The following EYS variants were observed in gnomAD, a reference collection of about 807,000 sequenced individuals.
EYS encodes protein eyes shut homolog.
Under a neutral mutation model 282.1 loss-of-function variants are expected in EYS, and 250 were observed. The observed-to-expected ratio is 0.89, with a 90% CI of 0.80 to 0.98. EYS has a LOEUF of 0.98. Ranked by LOEUF, EYS falls within the 50% of genes least tolerant of loss-of-function variation. EYS has a pLI of 0.00. For synonymous variants in EYS, 1,355 were observed against 1,282.9 expected (o/e 1.06, Z -1.20); for missense variants, 4,016 against 3,709.0 (o/e 1.08, Z -2.15).
intron 24 of EYS, among the ~76,000 whole-genome samples, chr6:64,613,025 C>T (rs530297395): frequency 3.3e-5 from 5 of 152,174 alleles, no homozygotes; most frequent in African/African-American, 1.2e-4. Flanking sequence ...TTTGTTGTTT[C>T]ATGTTCAATT....
rs577630695 is a variant in EYS at position 64,894,146 on chromosome 6, A to G, written c.2847-7304T>C. 3.9e-4 allele frequency among the ~76,000 whole-genome samples: 60 copies of G among 152,260 alleles called. 1 individual carries two copies. The Middle Eastern group carries it at 0.014, about 35-fold the overall frequency. On this transcript the variant is annotated intron_variant, in intron 18 of 42. Coordinates refer to ENST00000503581, the MANE Select transcript of EYS (RefSeq NM_001142800.2). ...AATTTATTCACAGTAAGTAATGTAT[A>G]GATGCTTATGATTAAGTTGCATTGC...
intron 22 of EYS, among the ~76,000 whole-genome samples, chr6:64,811,179 T>C (rs889683276): frequency 4.6e-5 from 7 of 152,068 alleles, no homozygotes; most frequent in Non-Finnish European, 1.0e-4. Flanking sequence ...CAGCTCTGAC[T>C]TCTCATAGTG....
At chr6:64,003,227 A>G (rs1163546115) in intron 33 of EYS, among the ~76,000 whole-genome samples, 2 of 152,196 alleles carry the variant, frequency 1.3e-5, no homozygotes, top group African/African-American at 4.8e-5. Context: ...AAACTTTCTC[A>G]CTTGTTTGTG....
intron 31 of EYS, among the ~76,000 whole-genome samples, chr6:64,141,977 A>T (rs1774351545): frequency 6.6e-6 from 1 of 152,120 alleles, no homozygotes; most frequent in Non-Finnish European, 1.5e-5. Context: ...ACTACCAACC[A>T]AAGTTTGAAT....
chr6:64,000,020 C>T (rs1397429446), intron 33 of EYS, among the ~76,000 whole-genome samples: 1 of 152,034 alleles, frequency 6.6e-6, no homozygotes, highest in Non-Finnish European at 1.5e-5. Context: ...GCTGTTTCTG[C>T]ATACTGAGAG....
intron 15 of EYS, among the ~76,000 whole-genome samples, chr6:64,939,543 C>A (rs1018236156): frequency 4.0e-5 from 6 of 151,794 alleles, no homozygotes; most frequent in Non-Finnish European, 8.8e-5. Context: ...AAATGCGATA[C>A]TTTTATTTAA....
intron 30 of EYS, among the ~76,000 whole-genome samples, chr6:64,234,963 C>T (rs976949220): frequency 7.2e-5 from 11 of 152,014 alleles, no homozygotes; most frequent in African/African-American, 2.4e-4. Context: ...CTGCAACCCC[C>T]GCCTCCCGGG....
At chr6:64,773,541 G>A (rs1283757497) in intron 22 of EYS, among the ~76,000 whole-genome samples, 1 of 151,866 alleles carries the variant, frequency 6.6e-6, no homozygotes, top group East Asian at 1.9e-4. Context: ...AGCTCTCTGA[G>A]AAATTGCCAG....
intron 8 of EYS, among the ~76,000 whole-genome samples, chr6:65,376,060 A>G (rs1765352479): frequency 2.0e-5 from 3 of 152,154 alleles, no homozygotes; most frequent in Admixed American, 2.0e-4. Flanking sequence ...TAGCAACCCC[A>G]AGACAAATAA....
chr6:64,068,953 A>T (rs1434048329), intron 32 of EYS, among the ~76,000 whole-genome samples: 2 of 150,004 alleles, frequency 1.3e-5, no homozygotes, highest in Non-Finnish European at 3.0e-5. Context: ...AAACATAGAC[A>T]CAAGTGTCTT....
chr6:65,012,810 CA>C (rs3033918), intron 13 of EYS, among the ~76,000 whole-genome samples: 31,113 of 117,428 alleles, frequency 0.26, 4,047 homozygotes, highest in African/African-American at 0.43. Context: ...CCAAGTACAG[CA>C]AAAAAAAAAA....
chr6:65,028,928 A>G (rs1381361863), intron 13 of EYS, among the ~76,000 whole-genome samples: 1 of 152,054 alleles, frequency 6.6e-6, no homozygotes, highest in Non-Finnish European at 1.5e-5. Context: ...CTCCCTAAGT[A>G]TTTGTCTATT....
At chr6:65,006,211 G>C (rs2150130246) in intron 13 of EYS, among the ~76,000 whole-genome samples, 1 of 150,826 alleles carries the variant, frequency 6.6e-6, no homozygotes, top group South Asian at 2.1e-4. Flanking sequence ...CGGAGAGAGA[G>C]ACAAAAAGGG....
chr6:65,347,764 A>G (rs921977703), intron 9 of EYS, among the ~76,000 whole-genome samples: 3 of 151,580 alleles, frequency 2.0e-5, no homozygotes, highest in African/African-American at 7.3e-5. Context: ...TTAAAAATGT[A>G]CAGTAAATTA....
At chr6:64,455,496 T>C (rs920117340) in intron 26 of EYS, among the ~76,000 whole-genome samples, 1 of 152,144 alleles carries the variant, frequency 6.6e-6, no homozygotes, top group Non-Finnish European at 1.5e-5. Flanking sequence ...GCAGGTATGT[T>C]ACATAGGTAG....
chr6:64,304,474 C>G (rs958607052), intron 30 of EYS, among the ~76,000 whole-genome samples: 2 of 152,116 alleles, frequency 1.3e-5, no homozygotes, highest in Non-Finnish European at 2.9e-5. Context: ...ACAACAACAA[C>G]AGCATACACA....
chr6:63,991,988 A>G (rs1767626443), intron 34 of EYS, among the ~76,000 whole-genome samples: 2 of 151,928 alleles, frequency 1.3e-5, no homozygotes, highest in South Asian at 2.1e-4. Flanking sequence ...AGAATACTGT[A>G]TTTGCCAAAA....
At chr6:65,310,978 T>C (rs558082972) in intron 11 of EYS, among the ~76,000 whole-genome samples, 1 of 152,278 alleles carries the variant, frequency 6.6e-6, no homozygotes, top group South Asian at 2.1e-4. Context: ...TCGTGTTCAC[T>C]ATTGTTTTCC....
intron 22 of EYS, among the ~76,000 whole-genome samples, chr6:64,740,294 A>C (rs1244649585): frequency 6.6e-6 from 1 of 152,214 alleles, no homozygotes; most frequent in Non-Finnish European, 1.5e-5. Flanking sequence ...TTATAAAAAA[A>C]ATATGAGAAT....
Sources: allele counts gnomAD v4.1 joint callset (sites outside exome capture counted in the v4.1 genomes callset), GRCh38; gene constraint gnomAD v4.1.1; transcripts MANE v1.5; gene names NCBI Gene and HGNC (gene_info 2026-07-23, HGNC 2026-07-21).